MYO3A: variants seen among roughly 807,000 people sequenced by gnomAD.
The protein encoded by MYO3A is myosin IIIA.
In MYO3A, 180 loss-of-function variants were observed where a neutral mutation model predicts 192.7. The ratio of observed to expected loss-of-function variants is 0.93; its 90% CI spans 0.83 to 1.06. The LOEUF is 1.06. Ranked by LOEUF, MYO3A falls within the 50% of genes least tolerant of loss-of-function variation. MYO3A has a pLI of 0.00. For missense variants in MYO3A, 1,896 were observed against 1,905.0 expected (o/e 1.00, Z 0.09); for synonymous variants, 628 against 645.3 (o/e 0.97, Z 0.41).
chr10:26,021,352 C>A, intron 7 of MYO3A, 151 bp from the exon 8 acceptor site: 1 of 894,614 alleles, frequency 1.1e-6, no homozygotes, highest in Non-Finnish European at 1.8e-6. Flanking sequence ...ATAATTTGAT[C>A]TTTTATTCTC....
At chr10:26,134,698 C>T (rs932881821) in intron 20 of MYO3A, among the ~76,000 whole-genome samples, 4 of 151,936 alleles carry the variant, frequency 2.6e-5, no homozygotes, top group Admixed American at 2.6e-4. Flanking sequence ...CTGTAATAAA[C>T]ATAAAACATA....
chr10:26,002,667 G>C (rs1265825290), intron 6 of MYO3A, among the ~76,000 whole-genome samples: 4 of 152,228 alleles, frequency 2.6e-5, no homozygotes, highest in African/African-American at 9.7e-5. Flanking sequence ...ATCGGAATGA[G>C]TCAGGGTGGA....
chr10:26,211,953 A>C lies in MYO3A; in HGVS notation c.4841A>C (p.Gln1614Pro), dbSNP rs779920211. The C allele has an allele frequency of 2.9e-5, 47 of 1,613,848 alleles. No individual in the cohort carries two copies. Among genetic ancestry groups the C allele is most frequent in the Middle Eastern group, 1.6e-4 (1 of 6,078 alleles). ...RKTSQRRRLV[Q>P]QS is the part of the protein sequence containing the mutation. ...ACCTCCCAGCGCCGGCGCCTCGTCC[A>C]GCAGTCCTAACCGTTCAACGAGGCA... is the stretch of plus-strand genomic sequence containing the variant. The change falls in exon 35 of 35, where the codon CAG becomes CCG. Residue 1614 changes from glutamine (Q) to proline (P), a missense_variant. By Grantham distance (76) the Gln-to-Pro change is moderately conservative. Transcript: ENST00000642920.
At chr10:26,036,604 G>A (rs955954040) in intron 10 of MYO3A, among the ~76,000 whole-genome samples, 1 of 152,160 alleles carries the variant, frequency 6.6e-6, no homozygotes, top group Non-Finnish European at 1.5e-5. Context: ...TGTGCTCTAT[G>A]TGATCTACTT....
chr10:25,986,788 A>C (rs1201339171), intron 4 of MYO3A, among the ~76,000 whole-genome samples: 5 of 152,198 alleles, frequency 3.3e-5, no homozygotes, highest in Non-Finnish European at 5.9e-5. Flanking sequence ...CCATACTGCC[A>C]AAAGCAATCT....
At chr10:26,107,920 T>G (rs1235991349) in intron 17 of MYO3A, among the ~76,000 whole-genome samples, 1 of 152,172 alleles carries the variant, frequency 6.6e-6, no homozygotes, top group Non-Finnish European at 1.5e-5. Flanking sequence ...TTTTATTAAT[T>G]TATTCATTTG....
chr10:26,013,525 A>G (rs1268748315), intron 6 of MYO3A, among the ~76,000 whole-genome samples: 1 of 152,148 alleles, frequency 6.6e-6, no homozygotes, highest in African/African-American at 2.4e-5. Flanking sequence ...GTTCAACATC[A>G]TTAATCATCA....
At chr10:25,998,004 C>T (rs541935968) in intron 6 of MYO3A, among the ~76,000 whole-genome samples, 218 of 152,326 alleles carry the variant, frequency 1.4e-3, no homozygotes, top group Admixed American at 9.5e-3. Flanking sequence ...TTCCCTTTTG[C>T]ACTGTAGGTG....
At chr10:26,022,150 T>G (rs1275924366) in intron 8 of MYO3A, 1 of 152,510 alleles carries the variant, frequency 6.6e-6, no homozygotes, top group Non-Finnish European at 1.5e-5. Flanking sequence ...AACAATAAAT[T>G]TAGAAGAATA....
At chr10:26,181,391 CCTT>C (rs1452788639) in intron 31 of MYO3A, among the ~76,000 whole-genome samples, 8 of 152,054 alleles carry the variant, frequency 5.3e-5, no homozygotes, top group African/African-American at 1.9e-4. Context: ...AATGTTAAAA[CCTT>C]CTAGAGATTC....
At position 26,053,638 on chromosome 10, in the gene MYO3A, A is replaced by G. The variant is rs996993515; in HGVS notation, c.954-13337A>G. On this transcript the variant is annotated intron_variant, in intron 10 of 34. Coordinates refer to ENST00000642920, the MANE Select transcript of MYO3A (RefSeq NM_017433.5). ...CAGGAGTTCGAGACCAGTCTGGCCAACATAGTGAAACCCCGTCTCTACTAA... is the reference window on the plus strand; with the variant it reads ...CAGGAGTTCGAGACCAGTCTGGCCAGCATAGTGAAACCCCGTCTCTACTAA... 5.9e-5 allele frequency among the ~76,000 whole-genome samples: 9 copies of G among 152,180 alleles called. No homozygotes were observed. The South Asian group carries it at 1.2e-3, about 21-fold the overall frequency.
At chr10:26,088,154 C>T in intron 14 of MYO3A, 49 bp from the exon 15 acceptor site, 2 of 1,405,600 alleles carry the variant, frequency 1.4e-6, no homozygotes, top group South Asian at 1.3e-5. Context: ...CATTATATAC[C>T]AAATTAATTT....
intron 20 of MYO3A, among the ~76,000 whole-genome samples, chr10:26,134,273 G>A (rs1296591861): frequency 1.3e-5 from 2 of 152,052 alleles, no homozygotes; most frequent in East Asian, 3.8e-4. Flanking sequence ...TAGGTTATTT[G>A]TCATATTCTG....
chr10:26,088,216 C>A lies in MYO3A; in HGVS notation c.1373C>A (p.Thr458Asn), dbSNP rs768016294. The change falls in exon 15 of 35, where the codon ACC (threonine) becomes AAC (asparagine). Residue 458 changes from threonine to asparagine, a missense_variant. Thr to Asn is a moderately conservative substitution (Grantham distance 65). Coordinates refer to ENST00000642920, the MANE Select transcript of MYO3A (RefSeq NM_017433.5). ...TTTTCTATTTAGGCTAATAACAGAACCTTGCAAGAGAAGATTTTACAAGTG... is the reference window on the plus strand; with the variant it reads ...TTTTCTATTTAGGCTAATAACAGAAACTTGCAAGAGAAGATTTTACAAGTG... ...LTVLGKANNR[T>N]LQEKILQVNN... 1.2e-6 allele frequency: 2 copies of A among 1,608,912 alleles called. No homozygotes were observed. The highest frequency in any genetic ancestry group is 1.7e-5 in the Admixed American group (1 of 59,930).
intron 26 of MYO3A, among the ~76,000 whole-genome samples, chr10:26,158,855 A>G (rs56234810): frequency 0.097 from 14,785 of 152,200 alleles, 785 homozygotes; most frequent in Non-Finnish European, 0.12. Context: ...ATTACTATTA[A>G]GAACAAAACC....
chr10:26,040,812 C>A (rs1283339010), intron 10 of MYO3A, among the ~76,000 whole-genome samples: 1 of 152,082 alleles, frequency 6.6e-6, no homozygotes. Context: ...TGTGACCTAA[C>A]ATATCATATA....
intron 4 of MYO3A, among the ~76,000 whole-genome samples, chr10:25,975,172 A>T (rs1179617182): frequency 2.0e-5 from 3 of 152,120 alleles, no homozygotes; most frequent in Admixed American, 6.6e-5. Flanking sequence ...TGGGATGGAG[A>T]TGTAGCATTT....
chr10:26,019,416 G>A (rs900426395), intron 7 of MYO3A, among the ~76,000 whole-genome samples: 2 of 151,792 alleles, frequency 1.3e-5, no homozygotes, highest in African/African-American at 2.4e-5. Flanking sequence ...CTGCCAACAC[G>A]CCTGGCTAAT....
intron 26 of MYO3A, among the ~76,000 whole-genome samples, chr10:26,162,594 C>T (rs943626667): frequency 1.6e-4 from 24 of 152,170 alleles, no homozygotes; most frequent in African/African-American, 5.5e-4. Flanking sequence ...GCTTCATCCA[C>T]GTTTAATTTC....
Sources: allele counts gnomAD v4.1 joint callset (sites outside exome capture counted in the v4.1 genomes callset), GRCh38; gene constraint gnomAD v4.1.1; transcripts MANE v1.5; gene names NCBI Gene and HGNC (gene_info 2026-07-23, HGNC 2026-07-21).